Variants in CMTM1 observed in about 807,000 individuals in gnomAD.
CMTM1 encodes CKLF-like MARVEL transmembrane domain-containing protein 1.
CMTM1 carries 16 observed loss-of-function variants against 17.8 expected under a neutral mutation model. The ratio of observed to expected loss-of-function variants is 0.90; its 90% CI spans 0.61 to 1.37. The LOEUF (loss-of-function observed/expected upper bound fraction) is 1.37, where lower values mean the gene tolerates loss of function less well. CMTM1 is among the 40% of genes most tolerant of loss of function. CMTM1 has a pLI of 0.00. For missense variants in CMTM1, 354 were observed against 375.6 expected (o/e 0.94, Z 0.47); for synonymous variants, 169 against 154.6 (o/e 1.09, Z -0.69).
In CMTM1 at chr16:66,566,492, G is replaced by A. The variant is rs377278322; in HGVS notation, c.-22G>A. 1.3e-5 allele frequency: 21 copies of A among 1,567,962 alleles called. No individual in the cohort carries two copies. The highest frequency in any genetic ancestry group is 1.6e-5 in the Non-Finnish European group (19 of 1,159,172). ...CCGCTGCCGCGGCACTGGTTCAGAC[G>A]GCCAGGCCCTAGGGACCCACCATGG... On this transcript the variant is annotated 5_prime_UTR_variant, in exon 1 of 4. Transcript: ENST00000379500. The surrounding 1 kb of genome is among the most constrained non-coding windows in gnomAD (Gnocchi z 4.9).
rs2014595348 is a variant in CMTM1 at position 66,578,854 on chromosome 16, C to A, written c.714C>A (p.Ile238=). 1.2e-6 allele frequency: 2 copies of A among 1,614,150 alleles called. No homozygotes were observed. The highest frequency in any genetic ancestry group is 1.1e-5 in the South Asian group (1 of 91,088). The change falls in exon 4 of 4, where the codon ATC becomes ATA. Residue 238 remains isoleucine, a synonymous_variant. Coordinates refer to ENST00000379500, the MANE Select transcript of CMTM1 (RefSeq NM_052999.4). ...AGTCCCTGTGTCTCACAGCGGTAAT[C>A]GTGTGTTGCATCGATGCGTTTGTGG... ...VGGSLCLTAV[I]VCCIDAFVVT...
rs1049752511 is a variant in CMTM1, at chr16:66,575,162, C to T, written c.592-1942C>T. 7 of 985,272 alleles carry T rather than the reference C, an allele frequency of 7.1e-6. No homozygotes were observed. In the East Asian group the frequency reaches 4.5e-4, roughly 64 times the overall value. The allele number at this position is 985,272 out of a possible 1,614,324, so 61.0% of individuals were successfully genotyped here. On this transcript the variant is annotated intron_variant, in intron 2 of 3. Transcript: ENST00000379500. ...AGTCACATTCCACAAGAGGGCTCCT[C>T]GGTCGCCAGCCCCAATAGGAAGAAC...
chr16:66,576,606 C>T (rs111288391), intron 2 of CMTM1, among the ~76,000 whole-genome samples: 135 of 152,278 alleles, frequency 8.9e-4, no homozygotes, highest in African/African-American at 3.2e-3. Context: ...GGCCCAATTT[C>T]CAGAGCGTTG....
At chr16:66,571,329 T>C (rs2013501159) in intron 2 of CMTM1, 8 of 380,544 alleles carry the variant, frequency 2.1e-5, no homozygotes, top group South Asian at 1.6e-4. Flanking sequence ...TGTCACCTTA[T>C]TTAATCCTCA....
rs915270380 is a variant in CMTM1, at chr16:66,579,130, C to T, written c.*129C>T. On this transcript the variant is annotated 3_prime_UTR_variant, in exon 4 of 4. Coordinates refer to ENST00000379500, the MANE Select transcript of CMTM1 (RefSeq NM_052999.4). The surrounding 1 kb of genome is among the most constrained non-coding windows in gnomAD (Gnocchi z 6.5). ...ATAAAATTAGGGCTGCTGCTTTTAT[C>T]GAGAACACCTGCTTCCTCTCGTTGC... The T allele has an allele frequency of 2.4e-6, 3 of 1,231,994 alleles. No individual in the cohort carries two copies. The African/African-American group carries it at 4.6e-5, about 19-fold the overall frequency. The allele number at this position is 1,231,994 out of a possible 1,614,324, so 76.3% of individuals were successfully genotyped here.
At chr16:66,574,973 AC>A in intron 2 of CMTM1, 1 of 985,446 alleles carries the variant, frequency 1.0e-6, no homozygotes, top group Non-Finnish European at 1.2e-6. Flanking sequence ...AAACCACTGT[AC>A]CTGCCTCAGT....
chr16:66,577,203 G>T lies in CMTM1; in HGVS notation c.690+1G>T, dbSNP rs1334312673. 3 of 1,610,514 alleles carry T rather than the reference G, an allele frequency of 1.9e-6. No individual in the cohort carries two copies. The highest frequency in any genetic ancestry group is 2.5e-6 in the Non-Finnish European group (3 of 1,177,266). On this transcript the variant is annotated splice_donor_variant, in intron 3 of 3. Transcript: ENST00000379500. LOFTEE classifies it high-confidence loss of function. The stretch of plus-strand genomic sequence containing the variant: ...AAGGCATTTACTCTATGTCGGGGGG[G>T]TAAGTAGAGGCCTTCATGACTCCAT...
chr16:66,569,877 T>C (rs2013224566), intron 1 of CMTM1, 59 bp from the exon 2 acceptor site: 1 of 1,322,068 alleles, frequency 7.6e-7, no homozygotes, highest in Non-Finnish European at 1.0e-6. Flanking sequence ...ATTTACATTC[T>C]GACAATGTAG....
rs765526090 is a variant in CMTM1, at chr16:66,566,719, C to G, written c.206C>G (p.Pro69Arg). The G allele has an allele frequency of 1.2e-5, 20 of 1,614,018 alleles. No homozygotes were observed. Among genetic ancestry groups the G allele is most frequent in the Non-Finnish European group, 1.7e-5 (20 of 1,179,996 alleles). ...GCGCAGTCCGCAGCCGCCGCACGTC[C>G]CCAAGGCAGTGAGGGCACCGCACCC... ...RSAQSAAAAR[P>R]QGSEGTAPSR... is the part of the protein sequence containing the mutation. The change falls in exon 1 of 4, where the codon CCC becomes CGC. Residue 69 changes from proline to arginine, a missense_variant. Physicochemically the swap from Pro to Arg is moderately radical, Grantham distance 103 (BLOSUM62 -2). Transcript: ENST00000379500. This position sits in a 1 kb window ranked among gnomAD's most constrained non-coding sequence, Gnocchi z 4.9.
At position 66,566,804 on chromosome 16, in the gene CMTM1, T is replaced by C. The variant is rs779938973; in HGVS notation, c.291T>C (p.Ser97=). The C allele has an allele frequency of 6.2e-7, 1 of 1,613,000 alleles. No individual in the cohort carries two copies. The highest frequency in any genetic ancestry group is 8.5e-7 in the Non-Finnish European group (1 of 1,179,806). ...CCACACTCCCACCCCCCACGCCCTC[T>C]GCACACACTGAATCCAAACTCTTAA... The part of the protein sequence containing the change: ...PKPTLPPPTP[S]AHTESKLLNE... The change falls in exon 1 of 4, where the codon TCT becomes TCC. Residue 97 remains serine (S), a synonymous_variant. Transcript: ENST00000379500. This position sits in a 1 kb window ranked among gnomAD's most constrained non-coding sequence, Gnocchi z 4.9.
At chr16:66,570,702 G>A (rs1329168269) in intron 2 of CMTM1, among the ~76,000 whole-genome samples, 1 of 152,200 alleles carries the variant, frequency 6.6e-6, no homozygotes, top group Non-Finnish European at 1.5e-5. Context: ...AGGCAGTACG[G>A]TTTTGTCCAG....
At chr16:66,568,334 A>T (rs1454515263) in intron 1 of CMTM1, among the ~76,000 whole-genome samples, 5 of 152,252 alleles carry the variant, frequency 3.3e-5, no homozygotes, top group Non-Finnish European at 7.3e-5. Context: ...CACATTATAA[A>T]AAATTAGGAG....
chr16:66,572,330 C>T (rs2013668815), intron 2 of CMTM1, among the ~76,000 whole-genome samples: 1 of 152,106 alleles, frequency 6.6e-6, no homozygotes, highest in African/African-American at 2.4e-5. Flanking sequence ...AAAACAGGAC[C>T]CAAATTGTGT....
At chr16:66,575,038 G>A in intron 2 of CMTM1, 2 of 985,364 alleles carry the variant, frequency 2.0e-6, no homozygotes, top group Non-Finnish European at 2.4e-6. Context: ...ACCCAGCTGG[G>A]ACTTACTTCC....
At chr16:66,567,135 C>T in intron 1 of CMTM1, 190 bp downstream of exon 1, 2 of 649,194 alleles carry the variant, frequency 3.1e-6, no homozygotes, top group East Asian at 2.8e-5. Context: ...AAACTTGCCT[C>T]TTTTTTTCCC....
intron 2 of CMTM1, 40 bp downstream of exon 2, chr16:66,570,134 G>T (rs368477025): frequency 6.1e-5 from 91 of 1,491,484 alleles, no homozygotes; most frequent in Non-Finnish European, 7.5e-5. Context: ...TCCAAGCTTT[G>T]CCCTCAGCCC....
chr16:66,575,793 T>G (rs1418031160), intron 2 of CMTM1, among the ~76,000 whole-genome samples: 1 of 152,216 alleles, frequency 6.6e-6, no homozygotes, highest in Non-Finnish European at 1.5e-5. Flanking sequence ...CATGATACCA[T>G]ACACTGGATG....
chr16:66,570,047 G>A lies in CMTM1; in HGVS notation c.544G>A (p.Val182Met). The change falls in exon 2 of 4, where the codon GTG (valine) becomes ATG (methionine). Residue 182 changes from valine (V) to methionine (M), a missense_variant. Coordinates refer to ENST00000379500, the MANE Select transcript of CMTM1 (RefSeq NM_052999.4). ...TGTCGTTTTTTTTATTCTAATATAT[G>A]TGCTAACCCTTCACCACTTGCTGAC... The part of the protein sequence containing the change: ...CIVVFFILIY[V>M]LTLHHLLTYL... 7.2e-7 allele frequency: 1 copy of A among 1,391,608 alleles called. No individual in the cohort carries two copies. The highest frequency in any genetic ancestry group is 9.9e-7 in the Non-Finnish European group (1 of 1,008,528). 86.2% of individuals were successfully genotyped at this position (1,391,608 alleles called of 1,614,324 possible). A position where few individuals can be genotyped will look rare whatever the true frequency, so the allele number is the denominator to read the frequency against.
At chr16:66,574,897 C>A in intron 2 of CMTM1, 2 of 936,572 alleles carry the variant, frequency 2.1e-6, no homozygotes, top group Non-Finnish European at 2.5e-6. Context: ...TTGTAAGAAT[C>A]CTTGTTCACA....
Sources: allele counts gnomAD v4.1 joint callset (sites outside exome capture counted in the v4.1 genomes callset), GRCh38; gene constraint gnomAD v4.1.1; non-coding constraint Gnocchi (gnomAD v3.1); transcripts MANE v1.5; gene names NCBI Gene and HGNC (gene_info 2026-07-23, HGNC 2026-07-21).